Variants in CSMD1 observed in about 807,000 individuals in gnomAD.
CSMD1 encodes CUB and Sushi multiple domains 1.
In CSMD1, 213 loss-of-function variants were observed where a neutral mutation model predicts 417.5. The observed-to-expected ratio is 0.51, with a 90% CI of 0.46 to 0.57. The LOEUF (loss-of-function observed/expected upper bound fraction) is 0.57. Among genes scored for constraint, CSMD1 ranks in the 20% least tolerant of loss-of-function variants. CSMD1 has a pLI of 0.00. For missense variants in CSMD1, 6,923 were observed against 4,529.7 expected (o/e 1.53, Z -15.17); for synonymous variants, 2,862 against 1,736.8 (o/e 1.65, Z -16.11).
intron 2 of CSMD1, among the ~76,000 whole-genome samples, chr8:4,601,546 T>A (rs1426489676): frequency 3.3e-5 from 5 of 152,108 alleles, no homozygotes; most frequent in Non-Finnish European, 7.4e-5. Context: ...GTCATACAGA[T>A]GATAAAAGGT....
At chr8:3,835,090 A>T (rs1265095098) in intron 5 of CSMD1, among the ~76,000 whole-genome samples, 2 of 149,372 alleles carry the variant, frequency 1.3e-5, no homozygotes, top group Admixed American at 1.3e-4. Context: ...GAGGATGTAG[A>T]GAAATAGGAA....
chr8:4,267,697 C>G (rs562071706), intron 3 of CSMD1, among the ~76,000 whole-genome samples: 35 of 152,212 alleles, frequency 2.3e-4, no homozygotes, highest in African/African-American at 8.2e-4. Context: ...TAGTGTCTTA[C>G]ATGACTTTAC....
intron 5 of CSMD1, among the ~76,000 whole-genome samples, chr8:3,937,370 G>A (rs1006283009): frequency 1.3e-5 from 2 of 152,092 alleles, no homozygotes; most frequent in East Asian, 1.9e-4. Context: ...ATCAACTGAC[G>A]TGGTAAACTT....
chr8:4,607,338 C>A (rs902047322), intron 2 of CSMD1, among the ~76,000 whole-genome samples: 1 of 151,776 alleles, frequency 6.6e-6, no homozygotes, highest in East Asian at 1.9e-4. Flanking sequence ...TTAGGGAGTG[C>A]GGGGGACGGG....
intron 41 of CSMD1, among the ~76,000 whole-genome samples, chr8:3,119,679 A>G (rs545565194): frequency 4.2e-4 from 64 of 152,342 alleles, no homozygotes; most frequent in African/African-American, 1.4e-3. Flanking sequence ...TGAGTACTCA[A>G]TGCAGTAGAA....
At chr8:3,738,742 C>A (rs192328756) in intron 6 of CSMD1, among the ~76,000 whole-genome samples, 116 of 152,318 alleles carry the variant, frequency 7.6e-4, no homozygotes, top group Non-Finnish European at 1.0e-3. Context: ...ATTTCAAAGA[C>A]AAATTCAGAG....
chr8:3,765,069 T>C (rs1222527646), intron 5 of CSMD1, among the ~76,000 whole-genome samples: 1 of 152,170 alleles, frequency 6.6e-6, no homozygotes, highest in African/African-American at 2.4e-5. Context: ...TCTAAAAATA[T>C]TTTTCATAGC....
intron 6 of CSMD1, among the ~76,000 whole-genome samples, chr8:3,722,857 A>G (rs1802267244): frequency 6.6e-6 from 1 of 152,190 alleles, no homozygotes; most frequent in Admixed American, 6.5e-5. Context: ...GATTTCAGGG[A>G]TGAACTAGCT....
At chr8:3,094,676 G>C (rs1290547043) in intron 47 of CSMD1, among the ~76,000 whole-genome samples, 1 of 151,670 alleles carries the variant, frequency 6.6e-6, no homozygotes, top group Non-Finnish European at 1.5e-5. Context: ...GTTTTAAAAA[G>C]CATTATGGGA....
intron 2 of CSMD1, among the ~76,000 whole-genome samples, chr8:4,585,118 TAGAAAG>T (rs2130711715): frequency 7.0e-6 from 1 of 143,650 alleles, no homozygotes; most frequent in South Asian, 2.2e-4. Flanking sequence ...AAAAGTACAA[TAGAAAG>T]AGACTAACAG....
chr8:4,828,801 C>T (rs1446080127), intron 1 of CSMD1, among the ~76,000 whole-genome samples: 2 of 152,028 alleles, frequency 1.3e-5, no homozygotes, highest in Non-Finnish European at 2.9e-5. Context: ...TCAGATGAGC[C>T]CAGAAGTACT....
intron 7 of CSMD1, among the ~76,000 whole-genome samples, chr8:3,654,777 C>A (rs2449209): frequency 6.6e-6 from 1 of 152,004 alleles, no homozygotes; most frequent in African/African-American, 2.4e-5. Context: ...GGACTGGGTG[C>A]TCCCACTGGG....
Position 3,131,181 on chromosome 8 carries a change from C to G in CSMD1, c.6241+11284G>C, listed in dbSNP as rs141687370. Among the ~76,000 whole-genome samples, 28 of 152,236 alleles carry G rather than the reference C, an allele frequency of 1.8e-4. No individual in the cohort carries two copies. The East Asian group carries it at 5.4e-3, about 29-fold the overall frequency. On this transcript the variant is annotated intron_variant, in intron 41 of 69. Transcript: ENST00000635120. Reference sequence around the variant, plus strand: ...AAGTGCGATAAAGCAAAATTTGTGGCTTAACATTATGTATGTTATTTCACT... The same window carrying G: ...AAGTGCGATAAAGCAAAATTTGTGGGTTAACATTATGTATGTTATTTCACT...
Position 4,290,623 on chromosome 8 carries a change from A to C in CSMD1, c.415+129330T>G, listed in dbSNP as rs1390708470. On this transcript the variant is annotated intron_variant, in intron 3 of 69. Coordinates refer to ENST00000635120, the MANE Select transcript of CSMD1 (RefSeq NM_033225.6). ...CCAAGGACAGGTAGATGCTGTATTT[A>C]GGAAAGATTCCTTGTGAGAAGTATA... Among the ~76,000 whole-genome samples the C allele has an allele frequency of 3.3e-5, 5 of 152,358 alleles. No homozygotes were observed. The East Asian group carries it at 5.8e-4, about 18-fold the overall frequency.
At chr8:4,405,295 T>G (rs1182553907) in intron 3 of CSMD1, among the ~76,000 whole-genome samples, 1 of 152,214 alleles carries the variant, frequency 6.6e-6, no homozygotes, top group South Asian at 2.1e-4. Context: ...CATAGCATAT[T>G]GAAATAACTT....
chr8:3,629,593 T>C (rs576388114), intron 7 of CSMD1, among the ~76,000 whole-genome samples: 55 of 152,200 alleles, frequency 3.6e-4, no homozygotes, highest in Non-Finnish European at 5.6e-4. Flanking sequence ...TCTTTCAACT[T>C]TAATATACCA....
intron 1 of CSMD1, among the ~76,000 whole-genome samples, chr8:4,736,732 G>T (rs1339143134): frequency 6.6e-6 from 1 of 152,170 alleles, no homozygotes; most frequent in Non-Finnish European, 1.5e-5. Flanking sequence ...GGAGAAAATG[G>T]TATACTGCAA....
At chr8:4,140,626 C>T (rs1284266739) in intron 3 of CSMD1, among the ~76,000 whole-genome samples, 1 of 150,858 alleles carries the variant, frequency 6.6e-6, no homozygotes, top group Non-Finnish European at 1.5e-5. Flanking sequence ...CATGATTGCG[C>T]CACTGCACTC....
chr8:3,564,519 G>GTC (rs1554471474), intron 10 of CSMD1, among the ~76,000 whole-genome samples: 2 of 144,946 alleles, frequency 1.4e-5, no homozygotes, highest in African/African-American at 5.0e-5. Flanking sequence ...CAGTATATTT[G>GTC]TGTGTGTGTG....
Sources: gnomAD v4.1 joint callset for allele counts (sites outside exome capture counted in the v4.1 genomes callset) on GRCh38, gnomAD v4.1.1 for gene constraint, MANE v1.5 for transcripts, NCBI Gene and HGNC (gene_info 2026-07-23, HGNC 2026-07-21) for gene names.